Variants in RELN observed in about 807,000 individuals in gnomAD.
The protein encoded by RELN is reelin.
RELN carries 108 observed loss-of-function variants against 427.6 expected under a neutral mutation model. That is an observed-to-expected ratio of 0.25 (90% CI 0.22 to 0.30). RELN has a LOEUF of 0.30. Among genes scored for constraint, RELN ranks in the 10% least tolerant of loss-of-function variants. The pLI is 1.00. For missense variants in RELN, 3,715 were observed against 4,302.8 expected, an observed-to-expected ratio of 0.86 and a Z score of 3.82; for synonymous variants, 1,524 against 1,513.4, an observed-to-expected ratio of 1.01 and a Z score of -0.16.
chr7:103,575,691 C>T lies in RELN; in HGVS notation c.4160G>A (p.Arg1387Gln), dbSNP rs1259371944. The change falls in exon 29 of 65, where the codon CGA (arginine) becomes CAA (glutamine). Residue 1387 changes from arginine (R) to glutamine (Q), a missense_variant. Transcript: ENST00000428762. Reference sequence around the variant, plus strand: ...CTGTGAGCTGCTCTCCTGGATCCATCGGAATCTGGTCTTGCTGTTGGGAAA... The same window carrying T: ...CTGTGAGCTGCTCTCCTGGATCCATTGGAATCTGGTCTTGCTGTTGGGAAA... ...RSLASSKTRF[R>Q]WIQESSSQKN... is the part of the protein sequence containing the mutation. The T allele has an allele frequency of 5.0e-6, 8 of 1,614,132 alleles. 1 individual carries two copies. The East Asian group carries it at 1.1e-4, about 22-fold the overall frequency.
At chr7:103,972,511 A>G (rs572432716) in intron 1 of RELN, among the ~76,000 whole-genome samples, 1 of 152,340 alleles carries the variant, frequency 6.6e-6, no homozygotes, top group South Asian at 2.1e-4. Flanking sequence ...TGTGGATGGC[A>G]CTGTCCCACT....
chr7:103,919,237 G>A (rs929428726), intron 1 of RELN, among the ~76,000 whole-genome samples: 5 of 146,154 alleles, frequency 3.4e-5, no homozygotes, highest in African/African-American at 1.0e-4. Context: ...ACTTCTTCAA[G>A]AAGATAATGG....
At chr7:103,955,396 T>C (rs1407806009) in intron 1 of RELN, among the ~76,000 whole-genome samples, 2 of 152,194 alleles carry the variant, frequency 1.3e-5, no homozygotes, top group African/African-American at 2.4e-5. Context: ...TAAAATCTTG[T>C]CCTAGTAGAC....
chr7:103,586,126 G>A (rs1355313619), intron 28 of RELN, among the ~76,000 whole-genome samples: 2 of 152,078 alleles, frequency 1.3e-5, no homozygotes, highest in Non-Finnish European at 2.9e-5. Flanking sequence ...GACTTTGGGA[G>A]GCCGAGGAGG....
intron 11 of RELN, among the ~76,000 whole-genome samples, chr7:103,681,762 C>A (rs1833657094): frequency 6.6e-6 from 1 of 151,952 alleles, no homozygotes; most frequent in South Asian, 2.1e-4. Flanking sequence ...AAATCTCAGA[C>A]CCCAGGAAGA....
In RELN at chr7:103,677,349, G is replaced by A. The variant is rs542859335; in HGVS notation, c.1289+4767C>T. On this transcript the variant is annotated intron_variant, in intron 11 of 64. Coordinates refer to ENST00000428762, the MANE Select transcript of RELN (RefSeq NM_005045.4). ...TGGGTGCAGCAAACCACCATGGCACGTGTGTACCTATGTAACAAACCTGCA... is the reference window on the plus strand; with the variant it reads ...TGGGTGCAGCAAACCACCATGGCACATGTGTACCTATGTAACAAACCTGCA... 3.9e-4 allele frequency among the ~76,000 whole-genome samples: 59 copies of A among 149,830 alleles called. 1 individual carries two copies. In the South Asian group the frequency reaches 0.012, roughly 31 times the overall value.
chr7:103,483,467 T>C (rs1828312927), intron 62 of RELN, among the ~76,000 whole-genome samples, 186 bp downstream of exon 62: 1 of 152,248 alleles, frequency 6.6e-6, no homozygotes, highest in African/African-American at 2.4e-5. Context: ...AATTTGTGCC[T>C]TTCTTGTCCT....
intron 2 of RELN, among the ~76,000 whole-genome samples, chr7:103,911,702 T>C (rs1178999968): frequency 6.9e-6 from 1 of 144,804 alleles, no homozygotes; most frequent in Non-Finnish European, 1.5e-5. Flanking sequence ...ATGTCCTTTG[T>C]AGGGACATGG....
At chr7:103,649,899 G>A (rs914708438) in intron 16 of RELN, among the ~76,000 whole-genome samples, 4 of 151,982 alleles carry the variant, frequency 2.6e-5, no homozygotes, top group Non-Finnish European at 5.9e-5. Flanking sequence ...TAGTTACTAA[G>A]AGAAGAATGG....
At position 103,989,265 on chromosome 7, in the gene RELN, G is replaced by A. The variant is rs759623259; in HGVS notation, c.92C>T (p.Pro31Leu). The change falls in exon 1 of 65, where the codon CCC (proline) becomes CTC (leucine). Residue 31 changes from proline (P) to leucine (L), a missense_variant. By Grantham distance (98) the Pro-to-Leu change is moderately conservative. Transcript: ENST00000428762. This position sits in a 1 kb window ranked among gnomAD's most constrained non-coding sequence, Gnocchi z 4.9. ...CAGGAAAAAGAAGGGCGAAAAGCGG[G>A]GGTAATAGCCAGCCGCCGCGCGCGC... ...LRARAAAGYY[P>L]RFSPFFFLCT... The A allele has an allele frequency of 4.3e-6, 7 of 1,613,796 alleles. No individual in the cohort carries two copies. Among genetic ancestry groups the A allele is most frequent in the South Asian group, 1.1e-5 (1 of 91,078 alleles).
At chr7:103,779,704 G>C (rs907318886) in intron 3 of RELN, among the ~76,000 whole-genome samples, 1 of 152,074 alleles carries the variant, frequency 6.6e-6, no homozygotes, top group African/African-American at 2.4e-5. Context: ...GGAAGAGCCT[G>C]CTTTCAGGGA....
In RELN at chr7:103,540,253, G is replaced by A. The variant is rs762032224; in HGVS notation, c.6874C>T (p.Arg2292Cys). The A allele has an allele frequency of 1.9e-5, 30 of 1,614,074 alleles. No homozygotes were observed. Among genetic ancestry groups the A allele is most frequent in the African/African-American group, 2.7e-5 (2 of 74,928 alleles). ...LKARSGSTRL[R>C]WWQPSENGHF... ...CCATTCTCAGACGGTTGCCACCAGCGAAGGCGAGTAGAACCAGAACGGGCT... is the reference window on the plus strand; with the variant it reads ...CCATTCTCAGACGGTTGCCACCAGCAAAGGCGAGTAGAACCAGAACGGGCT... The change falls in exon 44 of 65, where the codon CGC becomes TGC. Residue 2292 changes from arginine (R) to cysteine (C), a missense_variant. By Grantham distance (180) the Arg-to-Cys change is radical. Coordinates refer to ENST00000428762, the MANE Select transcript of RELN (RefSeq NM_005045.4).
chr7:103,537,035 T>G (rs1386411522), intron 45 of RELN, among the ~76,000 whole-genome samples: 1 of 152,234 alleles, frequency 6.6e-6, no homozygotes, highest in Non-Finnish European at 1.5e-5. Flanking sequence ...CATTTCCTCT[T>G]AACTACCACA....
intron 22 of RELN, among the ~76,000 whole-genome samples, chr7:103,606,728 A>T (rs779558944): frequency 6.6e-6 from 1 of 152,210 alleles, no homozygotes; most frequent in East Asian, 1.9e-4. Flanking sequence ...AGTCACATGC[A>T]GACACATTCT....
At chr7:103,490,863 G>A (rs751623175) in intron 58 of RELN, 34 bp from the exon 59 acceptor site, 3 of 1,610,856 alleles carry the variant, frequency 1.9e-6, no homozygotes, top group Non-Finnish European at 2.5e-6. Context: ...TAGACAAATT[G>A]TAAGAGAAAC....
chr7:103,543,750 T>C (rs1314814600), intron 42 of RELN, among the ~76,000 whole-genome samples: 1 of 151,832 alleles, frequency 6.6e-6, no homozygotes, highest in African/African-American at 2.4e-5. Flanking sequence ...TATTTTTTCA[T>C]TGTGGTAAAA....
At chr7:103,767,682 T>C (rs1791459973) in intron 4 of RELN, among the ~76,000 whole-genome samples, 1 of 152,232 alleles carries the variant, frequency 6.6e-6, no homozygotes, top group Non-Finnish European at 1.5e-5. Context: ...TCTGATATTT[T>C]GTCTATTCTT....
At chr7:103,894,357 C>T (rs11489607) in intron 2 of RELN, among the ~76,000 whole-genome samples, 78,282 of 151,954 alleles carry the variant, frequency 0.52, 21,102 homozygotes, top group East Asian at 0.77. Flanking sequence ...AAGTTTTAGG[C>T]TTTGCCTAGT....
intron 46 of RELN, among the ~76,000 whole-genome samples, chr7:103,523,998 C>T (rs1334707424): frequency 6.6e-6 from 1 of 152,202 alleles, no homozygotes; most frequent in East Asian, 1.9e-4. Flanking sequence ...CAATATTCTA[C>T]AGAAAACATT....
Sources: gnomAD v4.1 joint callset for allele counts (sites outside exome capture counted in the v4.1 genomes callset) on GRCh38, gnomAD v4.1.1 for gene constraint, Gnocchi (gnomAD v3.1) non-coding constraint, MANE v1.5 for transcripts, NCBI Gene and HGNC (gene_info 2026-07-23, HGNC 2026-07-21) for gene names.